Variants in PRRX2 observed in about 807,000 individuals in gnomAD.
PRRX2 encodes the protein paired mesoderm homeobox protein 2.
PRRX2 carries 11 observed loss-of-function variants against 18.0 expected under a neutral mutation model. The ratio of observed to expected loss-of-function variants is 0.61; its 90% CI spans 0.39 to 1.01. PRRX2 has a LOEUF of 1.01. PRRX2 is among the 50% of genes least tolerant of loss of function. The probability of loss-of-function intolerance (pLI) is 0.01; values close to 1 mark genes in which losing one functional copy is unlikely to be tolerated. For synonymous variants in PRRX2, 177 were observed against 154.8 expected (o/e 1.14, Z -1.06); for missense variants, 387 against 351.0 (o/e 1.10, Z -0.82).
At chr9:129,686,795 C>T (rs747538951) in intron 1 of PRRX2, among the ~76,000 whole-genome samples, 1 of 152,210 alleles carries the variant, frequency 6.6e-6, no homozygotes, top group Non-Finnish European at 1.5e-5. Flanking sequence ...ACCGGCCGCC[C>T]CTCCTCCACC....
chr9:129,704,464 A>C (rs1310551107), intron 1 of PRRX2, among the ~76,000 whole-genome samples: 1 of 152,138 alleles, frequency 6.6e-6, no homozygotes, highest in African/African-American at 2.4e-5. Flanking sequence ...GGCGTTTGCT[A>C]TCTGGGTGGG....
chr9:129,684,712 C>G (rs1459783541), intron 1 of PRRX2, among the ~76,000 whole-genome samples: 1 of 152,136 alleles, frequency 6.6e-6, no homozygotes, highest in African/African-American at 2.4e-5. Flanking sequence ...AGGGAGGTTG[C>G]TCTCCACGTG....
chr9:129,704,413 C>T (rs530915845), intron 1 of PRRX2, among the ~76,000 whole-genome samples: 9 of 152,082 alleles, frequency 5.9e-5, no homozygotes, highest in African/African-American at 7.2e-5. Flanking sequence ...TGAGGACACA[C>T]GGGGGCAATT....
At chr9:129,707,514 G>A (rs967430550) in intron 1 of PRRX2, among the ~76,000 whole-genome samples, 5 of 152,044 alleles carry the variant, frequency 3.3e-5, no homozygotes, top group African/African-American at 1.2e-4. Context: ...GGCCGGGCGC[G>A]GTGGCTCACA....
rs762929485 is a variant in PRRX2 at position 129,715,750 on chromosome 9, T to TCTCTCTCTCTCTCTCACACACACA, written c.260-3480_260-3479insTCTCTCTCTCTCTCACACACACAC. 8.6e-5 allele frequency among the ~76,000 whole-genome samples: 12 copies of TCTCTCTCTCTCTCTCACACACACA among 138,952 alleles called. No individual in the cohort carries two copies. The East Asian group carries it at 1.4e-3, about 16-fold the overall frequency. The allele number at this position is 138,952 out of a possible 152,430, so 91.2% of individuals were successfully genotyped here. ...AAACCCAGCTTCAGGGACATCTTTC[T>TCTCTCTCTCTCTCTCACACACACA]CACACACACACACACACACACACAC... is the stretch of plus-strand genomic sequence containing the variant. On this transcript the variant is annotated intron_variant, in intron 1 of 3. Transcript: ENST00000372469. The surrounding 1 kb of genome is among the most constrained non-coding windows in gnomAD (Gnocchi z 4.0).
At chr9:129,704,376 A>G (rs1178993597) in intron 1 of PRRX2, among the ~76,000 whole-genome samples, 1 of 152,198 alleles carries the variant, frequency 6.6e-6, no homozygotes, top group Non-Finnish European at 1.5e-5. Flanking sequence ...GGTGAAACCA[A>G]GAATCCAAGA....
At chr9:129,707,454 G>A (rs1832570765) in intron 1 of PRRX2, among the ~76,000 whole-genome samples, 1 of 152,006 alleles carries the variant, frequency 6.6e-6, no homozygotes, top group Admixed American at 6.6e-5. Flanking sequence ...ACCAGTTGAA[G>A]GACATGTGGG....
chr9:129,682,632 C>G (rs528431923), intron 1 of PRRX2, among the ~76,000 whole-genome samples: 52 of 152,286 alleles, frequency 3.4e-4, no homozygotes, highest in African/African-American at 1.1e-3. Context: ...GTCTCCACCC[C>G]CTCTCAGCAA....
At chr9:129,674,430 A>G (rs988471853) in intron 1 of PRRX2, among the ~76,000 whole-genome samples, 2 of 152,076 alleles carry the variant, frequency 1.3e-5, no homozygotes, top group Non-Finnish European at 2.9e-5. Context: ...AGGAGGGGCT[A>G]GGAGTGAGTG....
chr9:129,684,532 A>ACACACACACACACACACCC (rs1165343797), intron 1 of PRRX2, among the ~76,000 whole-genome samples: 2 of 140,278 alleles, frequency 1.4e-5, no homozygotes, highest in Admixed American at 7.0e-5. Flanking sequence ...ACCCACACAC[A>ACACACACACACACACACCC]CCCCAACAGA....
At chr9:129,667,729 C>T (rs73670154) in intron 1 of PRRX2, among the ~76,000 whole-genome samples, 5,748 of 152,204 alleles carry the variant, frequency 0.038, 349 homozygotes, top group African/African-American at 0.13. Flanking sequence ...GTGCTTCTCC[C>T]GGACACGGTG....
chr9:129,703,486 G>A (rs535082084), intron 1 of PRRX2, among the ~76,000 whole-genome samples: 1 of 152,138 alleles, frequency 6.6e-6, no homozygotes, highest in Admixed American at 6.5e-5. Flanking sequence ...CCACTTTGGG[G>A]ACAGAGTCTG....
intron 1 of PRRX2, among the ~76,000 whole-genome samples, chr9:129,684,218 C>T (rs1384194184): frequency 2.6e-5 from 4 of 152,114 alleles, no homozygotes; most frequent in Non-Finnish European, 5.9e-5. Flanking sequence ...TCAGTCAAGG[C>T]TGTCACCTAT....
At chr9:129,681,022 C>T (rs556009697) in intron 1 of PRRX2, among the ~76,000 whole-genome samples, 3 of 152,350 alleles carry the variant, frequency 2.0e-5, no homozygotes, top group South Asian at 2.1e-4. Context: ...AAGGCTGACA[C>T]GTTCAGATTT....
intron 1 of PRRX2, among the ~76,000 whole-genome samples, chr9:129,669,070 A>C (rs1832066488): frequency 6.6e-6 from 1 of 151,960 alleles, no homozygotes; most frequent in Non-Finnish European, 1.5e-5. Context: ...AAAAAAAAGA[A>C]AGAAAGAAAG....
intron 2 of PRRX2, 69 bp from the exon 3 acceptor site, chr9:129,720,527 A>G: frequency 7.0e-7 from 1 of 1,435,474 alleles, no homozygotes; most frequent in Non-Finnish European, 9.4e-7. Flanking sequence ...GAGCAGGCAC[A>G]CACCCAGGTC....
intron 1 of PRRX2, among the ~76,000 whole-genome samples, chr9:129,676,144 TC>T (rs1434641145): frequency 6.6e-6 from 1 of 152,154 alleles, no homozygotes; most frequent in African/African-American, 2.4e-5. Context: ...CTGTCCTTCC[TC>T]CTGCTCAGTC....
At chr9:129,690,057 A>G (rs7848375) in intron 1 of PRRX2, among the ~76,000 whole-genome samples, 31,790 of 151,476 alleles carry the variant, frequency 0.21, 5,526 homozygotes, top group African/African-American at 0.47. Context: ...GGCCAATAGC[A>G]TCTTATTTTT....
intron 1 of PRRX2, among the ~76,000 whole-genome samples, chr9:129,686,534 T>C (rs1476179359): frequency 6.6e-6 from 1 of 152,050 alleles, no homozygotes; most frequent in Non-Finnish European, 1.5e-5. Context: ...AGTCTTACTG[T>C]GTTGCCCAGG....
Sources: gnomAD v4.1 joint callset for allele counts (sites outside exome capture counted in the v4.1 genomes callset) on GRCh38, gnomAD v4.1.1 for gene constraint, Gnocchi (gnomAD v3.1) non-coding constraint, MANE v1.5 for transcripts, NCBI Gene and HGNC (gene_info 2026-07-23, HGNC 2026-07-21) for gene names.